The following CTNND2 variants were observed in gnomAD, a reference collection of about 807,000 sequenced individuals.
The protein encoded by CTNND2 is catenin delta-2.
Under a neutral mutation model 144.4 loss-of-function variants are expected in CTNND2, and 22 were observed. That is an observed-to-expected ratio of 0.15 (90% CI 0.11 to 0.22). CTNND2 has a LOEUF of 0.22. Among genes scored for constraint, CTNND2 ranks in the 10% least tolerant of loss-of-function variants. CTNND2 has a pLI of 1.00. For synonymous variants in CTNND2, 751 were observed against 695.6 expected (o/e 1.08, Z -1.25); for missense variants, 1,353 against 1,618.8 (o/e 0.84, Z 2.82).
intron 1 of CTNND2, among the ~76,000 whole-genome samples, chr5:11,854,573 G>A (rs999663169): frequency 6.6e-6 from 1 of 152,206 alleles, no homozygotes; most frequent in African/African-American, 2.4e-5. Context: ...CTCAAAGAAA[G>A]AGCACAGTAA....
At chr5:11,431,460 A>C (rs919570569) in intron 3 of CTNND2, among the ~76,000 whole-genome samples, 13 of 152,182 alleles carry the variant, frequency 8.5e-5, no homozygotes, top group Non-Finnish European at 1.5e-4. Context: ...TGAGACGTAA[A>C]ATGCAGCTGA....
intron 9 of CTNND2, among the ~76,000 whole-genome samples, chr5:11,293,421 G>GA (rs1382980265): frequency 6.6e-6 from 1 of 152,016 alleles, no homozygotes; most frequent in Non-Finnish European, 1.5e-5. Flanking sequence ...TATCCAAGGG[G>GA]AACTTATTTT....
intron 11 of CTNND2, among the ~76,000 whole-genome samples, chr5:11,174,127 T>C (rs1329513203): frequency 2.0e-5 from 3 of 152,078 alleles, no homozygotes; most frequent in Non-Finnish European, 4.4e-5. Flanking sequence ...TGAGGAACAC[T>C]GGAGGAGGGA....
At chr5:11,041,466 T>C (rs1744691959) in intron 16 of CTNND2, among the ~76,000 whole-genome samples, 2 of 152,152 alleles carry the variant, frequency 1.3e-5, no homozygotes, top group South Asian at 4.1e-4. Flanking sequence ...CAGAAGCTCT[T>C]TTCTCCAGCC....
chr5:11,254,423 A>T (rs548586547), intron 9 of CTNND2, among the ~76,000 whole-genome samples: 176 of 94,620 alleles, frequency 1.9e-3, no homozygotes, highest in African/African-American at 4.6e-3. Flanking sequence ...TAATTTAATC[A>T]TAGGTAGAGC....
chr5:11,567,422 T>A (rs553584596), intron 2 of CTNND2, among the ~76,000 whole-genome samples: 1 of 152,344 alleles, frequency 6.6e-6, no homozygotes, highest in African/African-American at 2.4e-5. Flanking sequence ...TATTTCTTTA[T>A]GAATTGTTTT....
At chr5:11,167,721 A>C (rs191246894) in intron 11 of CTNND2, among the ~76,000 whole-genome samples, 14 of 149,880 alleles carry the variant, frequency 9.3e-5, no homozygotes, top group Admixed American at 4.0e-4. Flanking sequence ...TTTCAGACAG[A>C]GTCTCACTCT....
chr5:11,349,606 C>T (rs1003574036), intron 8 of CTNND2, among the ~76,000 whole-genome samples: 4 of 152,148 alleles, frequency 2.6e-5, no homozygotes, highest in East Asian at 1.9e-4. Context: ...CTTAGAAAAA[C>T]GGTGAGGCCT....
chr5:11,080,498 G>A (rs915047496), intron 16 of CTNND2, among the ~76,000 whole-genome samples: 2 of 152,188 alleles, frequency 1.3e-5, no homozygotes, highest in African/African-American at 4.8e-5. Context: ...TCTGGTATCA[G>A]TATGTCACAG....
At chr5:11,404,628 TTTTTTTTTA>T in intron 5 of CTNND2, among the ~76,000 whole-genome samples, 1 of 113,912 alleles carries the variant, frequency 8.8e-6, no homozygotes, top group African/African-American at 4.6e-5. Flanking sequence ...TTTTTTTTTT[TTTTTTTTTA>T]GACAAAGTCT....
intron 1 of CTNND2, among the ~76,000 whole-genome samples, chr5:11,753,528 T>A (rs1222617362): frequency 1.3e-5 from 2 of 151,940 alleles, no homozygotes; most frequent in African/African-American, 4.8e-5. Context: ...GCCTACCTCA[T>A]CATGGTGGAA....
intron 9 of CTNND2, among the ~76,000 whole-genome samples, chr5:11,246,705 CTG>C: frequency 9.4e-6 from 1 of 106,548 alleles, no homozygotes; most frequent in Admixed American, 1.5e-4. Context: ...ACACGACAGT[CTG>C]TGTGTCTGTA....
chr5:11,473,455 C>T (rs1767425366), intron 3 of CTNND2, among the ~76,000 whole-genome samples: 3 of 152,114 alleles, frequency 2.0e-5, no homozygotes, highest in African/African-American at 2.4e-5. Context: ...GAAGGGGATA[C>T]TGAGTGAGAA....
intron 3 of CTNND2, among the ~76,000 whole-genome samples, chr5:11,515,401 C>T (rs72732965): frequency 0.026 from 3,936 of 152,166 alleles, 71 homozygotes; most frequent in Non-Finnish European, 0.038. Context: ...ATGGAGATTC[C>T]GTTTAGGATG....
intron 10 of CTNND2, among the ~76,000 whole-genome samples, chr5:11,202,725 C>G (rs1318723292): frequency 6.6e-6 from 1 of 152,180 alleles, no homozygotes; most frequent in African/African-American, 2.4e-5. Flanking sequence ...GTGCGTGGCT[C>G]TGATGCTGTC....
At position 11,285,002 on chromosome 5, in the gene CTNND2, T is replaced by C. The variant is rs1382375521; in HGVS notation, c.1629-48179A>G. 2.0e-5 allele frequency among the ~76,000 whole-genome samples: 3 copies of C among 152,206 alleles called. No homozygotes were observed. In the East Asian group the frequency reaches 5.8e-4, roughly 29 times the overall value. ...TTAGTCAGGTTCCTATAAGCCTTCT[T>C]CTCAATGAGAGCTCAATCTTGACTC... On this transcript the variant is annotated intron_variant, in intron 9 of 21. Transcript: ENST00000304623.
At chr5:11,412,702 T>C (rs1347968299) in intron 3 of CTNND2, among the ~76,000 whole-genome samples, 2 of 152,180 alleles carry the variant, frequency 1.3e-5, no homozygotes, top group African/African-American at 2.4e-5. Flanking sequence ...CAGATTTATT[T>C]TGAATGACTT....
chr5:11,106,800 C>T (rs1269518761), intron 14 of CTNND2, among the ~76,000 whole-genome samples: 5 of 152,126 alleles, frequency 3.3e-5, no homozygotes, highest in African/African-American at 9.7e-5. Flanking sequence ...CAGCCTCCCT[C>T]GCAGCTCTGG....
At chr5:11,888,416 C>A (rs1030727766) in intron 1 of CTNND2, among the ~76,000 whole-genome samples, 1 of 152,158 alleles carries the variant, frequency 6.6e-6, no homozygotes, top group Admixed American at 6.5e-5. Flanking sequence ...TAAGCTAATT[C>A]TTTCCAGCCT....
Sources: gnomAD v4.1 joint callset for allele counts (sites outside exome capture counted in the v4.1 genomes callset) on GRCh38, gnomAD v4.1.1 for gene constraint, MANE v1.5 for transcripts, NCBI Gene and HGNC (gene_info 2026-07-23, HGNC 2026-07-21) for gene names.